Variants in ITGA4 observed in about 807,000 individuals in gnomAD.
ITGA4 encodes the protein integrin alpha-4.
ITGA4 carries 63 observed loss-of-function variants against 133.6 expected under a neutral mutation model. The ratio of observed to expected loss-of-function variants is 0.47; its 90% CI spans 0.38 to 0.58. The LOEUF (loss-of-function observed/expected upper bound fraction) is 0.58. Among genes scored for constraint, ITGA4 ranks in the 20% least tolerant of loss-of-function variants. ITGA4 has a pLI of 0.00. For synonymous variants in ITGA4, 483 were observed against 438.0 expected, an observed-to-expected ratio of 1.10 and a Z score of -1.28; for missense variants, 1,076 against 1,252.7, an observed-to-expected ratio of 0.86 and a Z score of 2.13.
In ITGA4 at chr2:181,495,497, T is replaced by C; in HGVS notation, c.1385+81T>C. 9.8e-7 allele frequency: 1 copy of C among 1,018,660 alleles called. No individual in the cohort carries two copies. Among genetic ancestry groups the C allele is most frequent in the Non-Finnish European group, 1.6e-6 (1 of 640,914 alleles). 63.1% of individuals were successfully genotyped at this position (1,018,660 alleles called of 1,614,324 possible). On this transcript the variant is annotated intron_variant, in intron 13 of 27. Transcript: ENST00000397033. This position sits in a 1 kb window ranked among gnomAD's most constrained non-coding sequence, Gnocchi z 4.3. ...GGGAGGTGGTGTTTAAAATCAGCAG[T>C]GGTAGTGACCTCATGATGCTCTTTT...
intron 14 of ITGA4, among the ~76,000 whole-genome samples, chr2:181,496,815 A>G (rs1029820239): frequency 6.6e-6 from 1 of 152,204 alleles, no homozygotes; most frequent in African/African-American, 2.4e-5. Flanking sequence ...ATGATCCCCT[A>G]TTAGGACCTG....
intron 15 of ITGA4, among the ~76,000 whole-genome samples, chr2:181,502,051 G>A (rs897965729): frequency 1.1e-4 from 16 of 145,848 alleles, no homozygotes; most frequent in African/African-American, 3.7e-4. Flanking sequence ...GGTCCAATCA[G>A]TAAGAAAGGA....
Position 181,523,532 on chromosome 2 carries a change from G to A in ITGA4, c.2169G>A (p.Arg723=). 6.5e-7 allele frequency: 1 copy of A among 1,530,728 alleles called. No homozygotes were observed. Among genetic ancestry groups the A allele is most frequent in the Non-Finnish European group, 9.0e-7 (1 of 1,105,834 alleles). 94.8% of individuals were successfully genotyped at this position (1,530,728 alleles called of 1,614,324 possible). Residue 723 remains arginine, a splice_region_variant and synonymous_variant, in exon 19 of 28, where the codon AGG becomes AGA. Transcript: ENST00000397033. This position sits in a 1 kb window ranked among gnomAD's most constrained non-coding sequence, Gnocchi z 4.2. ...ATATATATGTAGATCATCTCTCAAG[G>A]GTAAGTGTTTCATATTTATGGCTTT... ...IGYIYVDHLS[R]IDISFLLDVS...
At position 181,468,616 on chromosome 2, in the gene ITGA4, G is replaced by A. The variant is rs528554722; in HGVS notation, c.320-6344G>A. On this transcript the variant is annotated intron_variant, in intron 2 of 27. Transcript: ENST00000397033. ...TAAAACTGGTGATATGAATAAGAAT[G>A]AAAGGGGGAGGAGTAAAGAATGTAT... Among the ~76,000 whole-genome samples, 4 of 152,242 alleles carry A rather than the reference G, an allele frequency of 2.6e-5. No homozygotes were observed. In the East Asian group the frequency reaches 5.8e-4, roughly 22 times the overall value.
intron 10 of ITGA4, among the ~76,000 whole-genome samples, chr2:181,487,311 G>C (rs1016797136): frequency 6.6e-6 from 1 of 152,054 alleles, no homozygotes; most frequent in African/African-American, 2.4e-5. Context: ...GGTGAGGGAA[G>C]GTGTTGTGGC....
At chr2:181,465,894 A>T (rs1685399184) in intron 2 of ITGA4, among the ~76,000 whole-genome samples, 1 of 152,126 alleles carries the variant, frequency 6.6e-6, no homozygotes, top group Admixed American at 6.6e-5. Flanking sequence ...AATTGGGATG[A>T]TAATAGTATT....
rs978487223 is a variant in ITGA4 at position 181,536,318 on chromosome 2, A to T, written c.*791A>T. The T allele has an allele frequency of 1.3e-5, 2 of 152,126 alleles. No homozygotes were observed. Among genetic ancestry groups the T allele is most frequent in the Non-Finnish European group, 2.9e-5 (2 of 68,006 alleles). 9.4% of individuals were successfully genotyped at this position (152,126 alleles called of 1,614,324 possible). ...TAACACACCTTTATCAAGCATACCC[A>T]GGAGTAATCTTCAAATCTTTTGTTA... On this transcript the variant is annotated 3_prime_UTR_variant, in exon 28 of 28. Transcript: ENST00000397033.
chr2:181,474,931 A>AC, intron 2 of ITGA4, 29 bp from the exon 3 acceptor site: 1 of 1,547,546 alleles, frequency 6.5e-7, no homozygotes, highest in Non-Finnish European at 8.9e-7. Flanking sequence ...TTTCAATACA[A>AC]CTGATAAAAT....
In ITGA4 at chr2:181,536,790, T is replaced by TTATGCTTATGA. The variant is rs1553510807; in HGVS notation, c.*1265_*1275dup. 1.2e-5 allele frequency: 3 copies of TTATGCTTATGA among 253,596 alleles called. No homozygotes were observed. The highest frequency in any genetic ancestry group is 2.4e-5 in the Non-Finnish European group (3 of 126,294). The allele number at this position is 253,596 out of a possible 1,614,324, so 15.7% of individuals were successfully genotyped here. A position where few individuals can be genotyped will look rare whatever the true frequency, so the allele number is the denominator to read the frequency against. ...TACAATCATTTTTGTAATATTTATT[T>TTATGCTTATGA]TATGCTTATGATCTAGATAATTGCA... On this transcript the variant is annotated 3_prime_UTR_variant, in exon 28 of 28. Transcript: ENST00000397033.
chr2:181,517,658 G>A (rs1686634215), intron 17 of ITGA4, among the ~76,000 whole-genome samples: 1 of 152,066 alleles, frequency 6.6e-6, no homozygotes, highest in Admixed American at 6.6e-5. Flanking sequence ...CTTTCTGAGA[G>A]CATCTTGTTA....
intron 17 of ITGA4, among the ~76,000 whole-genome samples, chr2:181,520,101 G>A (rs1686687469): frequency 6.6e-6 from 1 of 152,076 alleles, no homozygotes; most frequent in Non-Finnish European, 1.5e-5. Flanking sequence ...TTTTATAGAG[G>A]TGCCCCGTGT....
chr2:181,482,145 A>G (rs1434729017), intron 7 of ITGA4, among the ~76,000 whole-genome samples: 1 of 152,196 alleles, frequency 6.6e-6, no homozygotes, highest in Non-Finnish European at 1.5e-5. Context: ...TATAGGATCA[A>G]TAAGATAATT....
At chr2:181,467,804 C>A (rs1178806796) in intron 2 of ITGA4, among the ~76,000 whole-genome samples, 1 of 152,104 alleles carries the variant, frequency 6.6e-6, no homozygotes, top group Non-Finnish European at 1.5e-5. Context: ...TTTTTTAATT[C>A]TAATCTTTCC....
intron 20 of ITGA4, among the ~76,000 whole-genome samples, chr2:181,524,539 A>C (rs1034181968): frequency 6.6e-6 from 1 of 152,162 alleles, no homozygotes; most frequent in Non-Finnish European, 1.5e-5. Context: ...ACAAGTAATA[A>C]CTCTACAAGA....
chr2:181,523,579 T>A lies in ITGA4; in HGVS notation c.2169+47T>A, dbSNP rs777616771. ...CTTTTGTTCACTATCATGAATATTT[T>A]TTTCTATTCTTCCCTATCTTTAGGT... On this transcript the variant is annotated intron_variant, in intron 19 of 27. Transcript: ENST00000397033. The surrounding 1 kb of genome is among the most constrained non-coding windows in gnomAD (Gnocchi z 4.2). 4.8e-6 allele frequency: 5 copies of A among 1,031,458 alleles called. No individual in the cohort carries two copies. The allele number at this position is 1,031,458 out of a possible 1,614,324, so 63.9% of individuals were successfully genotyped here.
chr2:181,459,076 A>G (rs2105707606), intron 2 of ITGA4: 1 of 152,358 alleles, frequency 6.6e-6, no homozygotes, highest in East Asian at 1.9e-4. Flanking sequence ...TCTTGTTCCA[A>G]AGTGTTACTG....
intron 15 of ITGA4, among the ~76,000 whole-genome samples, chr2:181,508,921 G>C (rs1686446433): frequency 6.6e-6 from 1 of 151,346 alleles, no homozygotes; most frequent in Non-Finnish European, 1.5e-5. Context: ...AACTGGAGGA[G>C]CCCTTGAGCC....
chr2:181,489,936 A>G (rs1021120292), intron 10 of ITGA4, among the ~76,000 whole-genome samples: 71 of 152,158 alleles, frequency 4.7e-4, no homozygotes, highest in African/African-American at 1.6e-3. Flanking sequence ...CTCCTGTCTC[A>G]AGAGCCGAGC....
intron 2 of ITGA4, among the ~76,000 whole-genome samples, chr2:181,473,085 T>A (rs1337423502): frequency 6.6e-6 from 1 of 152,174 alleles, no homozygotes. Context: ...AGAAAAACAT[T>A]CTCTGCATTT....
Sources: allele counts gnomAD v4.1 joint callset (sites outside exome capture counted in the v4.1 genomes callset), GRCh38; gene constraint gnomAD v4.1.1; non-coding constraint Gnocchi (gnomAD v3.1); transcripts MANE v1.5; gene names NCBI Gene and HGNC (gene_info 2026-07-23, HGNC 2026-07-21).